Variants in GPHN observed in about 807,000 individuals in gnomAD.
The protein encoded by GPHN is gephyrin.
A neutral mutation model predicts 95.5 loss-of-function variants in GPHN; 17 were observed. The observed-to-expected ratio is 0.18, with a 90% CI of 0.12 to 0.27. The LOEUF is 0.27. Ranked by LOEUF, GPHN falls within the 10% of genes least tolerant of loss-of-function variation. GPHN has a pLI of 1.00. For missense variants in GPHN, 660 were observed against 978.1 expected (o/e 0.67, Z 4.34); for synonymous variants, 320 against 322.5 (o/e 0.99, Z 0.08).
intron 16 of GPHN, among the ~76,000 whole-genome samples, chr14:67,117,316 A>C (rs546579366): frequency 2.1e-4 from 32 of 152,366 alleles, no homozygotes; most frequent in African/African-American, 7.0e-4. Flanking sequence ...AATTGTAGTC[A>C]TATCAAAAGT....
intron 1 of GPHN, among the ~76,000 whole-genome samples, chr14:66,612,073 A>T (rs774552161): frequency 1.3e-5 from 2 of 151,928 alleles, no homozygotes; most frequent in Non-Finnish European, 2.9e-5. Context: ...AAATAGCCCA[A>T]CACCAATATG....
the GPHN span, chr14:67,332,875 T>TA: frequency 6.2e-7 from 1 of 1,614,142 alleles, no homozygotes; most frequent in Non-Finnish European, 8.5e-7. Context: ...CCGATCTTGA[T>TA]AAAGCCTATC....
chr14:66,803,718 A>G (rs1416180515), intron 3 of GPHN, among the ~76,000 whole-genome samples: 1 of 151,234 alleles, frequency 6.6e-6, no homozygotes, highest in Non-Finnish European at 1.5e-5. Context: ...CTTTCTCTGC[A>G]TCAGTTTGTG....
At chr14:67,267,508 C>T in the GPHN span, among the ~76,000 whole-genome samples, 1 of 152,072 alleles carries the variant, frequency 6.6e-6, no homozygotes, top group African/African-American at 2.4e-5. Context: ...ACCTTGGCCT[C>T]CCAAAGTGCT....
intron 11 of GPHN, among the ~76,000 whole-genome samples, chr14:67,088,503 A>G (rs2076998759): frequency 6.6e-6 from 1 of 152,144 alleles, no homozygotes; most frequent in African/African-American, 2.4e-5. Flanking sequence ...ATCATTTCTT[A>G]TTTAAGTACC....
chr14:66,996,225 T>C (rs2071783964), intron 9 of GPHN: 1 of 1,513,960 alleles, frequency 6.6e-7, no homozygotes, highest in African/African-American at 1.4e-5. Flanking sequence ...TGAGGTATAT[T>C]TTGCACGTGT....
At chr14:67,189,853 T>TG in the GPHN span, 1 of 147,178 alleles carries the variant, frequency 6.8e-6, no homozygotes, top group East Asian at 2.0e-4. Context: ...TTTTTTTTTT[T>TG]TTTTTGAGAC....
chr14:67,116,423 A>G (rs1204646245), intron 16 of GPHN, among the ~76,000 whole-genome samples: 1 of 152,146 alleles, frequency 6.6e-6, no homozygotes, highest in African/African-American at 2.4e-5. Context: ...AGGACTGCTT[A>G]GGAGATGGGT....
intron 3 of GPHN, among the ~76,000 whole-genome samples, chr14:66,802,235 A>G (rs1469674388): frequency 1.3e-5 from 2 of 152,044 alleles, no homozygotes; most frequent in Non-Finnish European, 2.9e-5. Context: ...GCCTAACCCC[A>G]TGGCAACCAC....
intron 1 of GPHN, among the ~76,000 whole-genome samples, chr14:66,512,160 T>C (rs1364825215): frequency 6.6e-6 from 1 of 151,876 alleles, no homozygotes; most frequent in Non-Finnish European, 1.5e-5. Context: ...GGTGCAGATG[T>C]AGAATTTTTT....
the GPHN span, among the ~76,000 whole-genome samples, chr14:67,249,493 T>G: frequency 6.6e-6 from 1 of 152,252 alleles, no homozygotes; most frequent in African/African-American, 2.4e-5. Flanking sequence ...AAATATTCAC[T>G]TATTCACTTT....
the GPHN span, among the ~76,000 whole-genome samples, chr14:67,248,042 T>G: frequency 0.15 from 23,479 of 152,166 alleles, 3,425 homozygotes; most frequent in East Asian, 0.42. Flanking sequence ...ATGTTGAATT[T>G]TATCATATGC....
At chr14:67,527,363 G>A in the GPHN span, among the ~76,000 whole-genome samples, 2 of 152,108 alleles carry the variant, frequency 1.3e-5, no homozygotes, top group African/African-American at 4.8e-5. Context: ...GTTTCAGCTC[G>A]GGAGCCGGAG....
At chr14:67,051,316 A>G (rs2075297025) in intron 10 of GPHN, among the ~76,000 whole-genome samples, 1 of 152,184 alleles carries the variant, frequency 6.6e-6, no homozygotes. Flanking sequence ...TAATACAACC[A>G]CAAGTATCAA....
chr14:66,830,063 A>T (rs903393847), intron 4 of GPHN, among the ~76,000 whole-genome samples: 1 of 152,230 alleles, frequency 6.6e-6, no homozygotes, highest in Non-Finnish European at 1.5e-5. Flanking sequence ...TCTATGGCTA[A>T]AACAGCAGAG....
At chr14:67,464,494 C>T in the GPHN span, among the ~76,000 whole-genome samples, 13 of 152,186 alleles carry the variant, frequency 8.5e-5, no homozygotes, top group African/African-American at 2.9e-4. Flanking sequence ...CACCTGCATC[C>T]TGTACTCCTC....
At chr14:67,690,549 A>G in the GPHN span, 4 of 739,266 alleles carry the variant, frequency 5.4e-6, no homozygotes, top group South Asian at 7.0e-5. Context: ...ACTTTTCATT[A>G]TCAACTAGAA....
In GPHN at chr14:66,616,536, G is replaced by T. The variant is rs559262637; in HGVS notation, c.65-64571G>T. On this transcript the variant is annotated intron_variant, in intron 1 of 22. Coordinates refer to ENST00000478722, the MANE Select transcript of GPHN (RefSeq NM_020806.5). The stretch of plus-strand genomic sequence containing the variant: ...CCCTATACATGTGGTTTGCTCCCGT[G>T]CCTGGAGATGTCACTCAAGGAGGCT... Among the ~76,000 whole-genome samples the T allele has an allele frequency of 4.8e-4, 73 of 152,054 alleles. 1 individual carries two copies. In the Middle Eastern group the frequency reaches 0.02, roughly 43 times the overall value.
chr14:66,961,924 A>ATATATATATATATATATATG, intron 8 of GPHN, among the ~76,000 whole-genome samples: 1 of 76,184 alleles, frequency 1.3e-5, no homozygotes, highest in Non-Finnish European at 2.1e-5. Context: ...ATATATATAT[A>ATATATATATATATATATATG]TATATATATA....
Sources: allele counts gnomAD v4.1 joint callset (sites outside exome capture counted in the v4.1 genomes callset), GRCh38; gene constraint gnomAD v4.1.1; transcripts MANE v1.5; gene names NCBI Gene and HGNC (gene_info 2026-07-23, HGNC 2026-07-21).